FCHSD2: variants seen among roughly 807,000 people sequenced by gnomAD.
FCHSD2 encodes F-BAR and double SH3 domains protein 2.
FCHSD2 carries 38 observed loss-of-function variants against 108.1 expected under a neutral mutation model. The observed-to-expected ratio is 0.35, with a 90% CI of 0.27 to 0.46. The LOEUF is 0.46. FCHSD2 is among the 20% of genes least tolerant of loss of function. The pLI, the probability that FCHSD2 is intolerant of heterozygous loss-of-function variation, is 1.00. For synonymous variants in FCHSD2, 279 were observed against 314.7 expected (o/e 0.89, Z 1.20); for missense variants, 751 against 897.8 (o/e 0.84, Z 2.09).
At chr11:73,013,397 C>T (rs1019371439) in intron 4 of FCHSD2, among the ~76,000 whole-genome samples, 1 of 152,200 alleles carries the variant, frequency 6.6e-6, no homozygotes, top group Admixed American at 6.5e-5. Context: ...TCTCCTACTA[C>T]CCAATTCTGC....
intron 2 of FCHSD2, among the ~76,000 whole-genome samples, chr11:73,106,475 T>C (rs561062913): frequency 6.6e-6 from 1 of 151,686 alleles, no homozygotes; most frequent in East Asian, 1.9e-4. Flanking sequence ...TAAATCAGTA[T>C]TCTGCTTGTT....
chr11:73,071,353 T>C (rs979127696), intron 3 of FCHSD2, among the ~76,000 whole-genome samples: 1 of 152,064 alleles, frequency 6.6e-6, no homozygotes, highest in Non-Finnish European at 1.5e-5. Flanking sequence ...ACCACCAACT[T>C]TGGTCATCTT....
chr11:72,839,015 C>T, intron 19 of FCHSD2, 141 bp from the exon 20 acceptor site: 1 of 649,984 alleles, frequency 1.5e-6, no homozygotes. Context: ...TGCTTTCAAC[C>T]TAGTCTTCAC....
Position 72,900,148 on chromosome 11 carries a change from C to CT in FCHSD2, c.924+2394dup, listed in dbSNP as rs1855497526. ...AAACACAGCTGGTGCATCAGGGCCT[C>CT]TTATACATGTATATACATAACTTTC... On this transcript the variant is annotated intron_variant, in intron 10 of 19. Coordinates refer to ENST00000409418, the MANE Select transcript of FCHSD2 (RefSeq NM_014824.3). The CT allele has an allele frequency of 9.1e-6, 6 of 657,658 alleles. No individual in the cohort carries two copies. In the East Asian group the frequency reaches 1.8e-4, roughly 19 times the overall value. The allele number at this position is 657,658 out of a possible 1,614,324, so 40.7% of individuals were successfully genotyped here. A position where few individuals can be genotyped will look rare whatever the true frequency, so the allele number is the denominator to read the frequency against.
At chr11:73,095,279 T>C (rs1860048483) in intron 2 of FCHSD2, among the ~76,000 whole-genome samples, 1 of 152,202 alleles carries the variant, frequency 6.6e-6, no homozygotes, top group African/African-American at 2.4e-5. Context: ...ATAAAGGACT[T>C]GGGATAAACT....
chr11:73,089,519 G>C (rs1591544609), intron 2 of FCHSD2, among the ~76,000 whole-genome samples: 1 of 152,104 alleles, frequency 6.6e-6, no homozygotes, highest in Non-Finnish European at 1.5e-5. Flanking sequence ...TATCCAAACA[G>C]TACAAACAAC....
At chr11:72,914,217 G>A (rs938089397) in intron 9 of FCHSD2, among the ~76,000 whole-genome samples, 1 of 152,030 alleles carries the variant, frequency 6.6e-6, no homozygotes, top group African/African-American at 2.4e-5. Context: ...GTTTCACCAT[G>A]TTGGCCAGAC....
intron 2 of FCHSD2, among the ~76,000 whole-genome samples, chr11:73,121,259 C>T (rs1860728876): frequency 6.6e-6 from 1 of 151,956 alleles, no homozygotes. Flanking sequence ...CATACTTATC[C>T]CAGAAGGAGC....
At chr11:73,098,305 T>A (rs1334221025) in intron 2 of FCHSD2, among the ~76,000 whole-genome samples, 1 of 152,210 alleles carries the variant, frequency 6.6e-6, no homozygotes, top group African/African-American at 2.4e-5. Context: ...ACTTCTTTGA[T>A]CTACTCGTTG....
At chr11:73,027,695 T>A (rs1462718872) in intron 3 of FCHSD2, among the ~76,000 whole-genome samples, 1 of 152,238 alleles carries the variant, frequency 6.6e-6, no homozygotes, top group Non-Finnish European at 1.5e-5. Flanking sequence ...TCAGAGATGT[T>A]CGCTGCACTC....
chr11:72,861,931 CAAAAA>C (rs35078687), intron 13 of FCHSD2, among the ~76,000 whole-genome samples: 5 of 109,546 alleles, frequency 4.6e-5, no homozygotes, highest in Non-Finnish European at 3.8e-5. Context: ...AACGCCGTCT[CAAAAA>C]AAAAAAAAAA....
intron 8 of FCHSD2, among the ~76,000 whole-genome samples, chr11:72,926,065 A>G (rs1856069615): frequency 6.6e-6 from 1 of 152,126 alleles, no homozygotes; most frequent in Non-Finnish European, 1.5e-5. Flanking sequence ...CTTCTCCTGG[A>G]GCCCACTCAG....
At chr11:72,966,160 A>G (rs1046604274) in intron 8 of FCHSD2, among the ~76,000 whole-genome samples, 2 of 149,664 alleles carry the variant, frequency 1.3e-5, no homozygotes, top group South Asian at 2.1e-4. Context: ...TCTTCTTTGA[A>G]CTGAGCCTTT....
At chr11:73,061,859 G>A (rs1037708184) in intron 3 of FCHSD2, among the ~76,000 whole-genome samples, 7 of 152,308 alleles carry the variant, frequency 4.6e-5, no homozygotes, top group Non-Finnish European at 8.8e-5. Flanking sequence ...AGCACTTGGG[G>A]AAAGGGGCAG....
chr11:73,085,219 A>T (rs955320332), intron 2 of FCHSD2, among the ~76,000 whole-genome samples: 1 of 152,184 alleles, frequency 6.6e-6, no homozygotes. Context: ...ACGAAGACTA[A>T]GATTTTTTTT....
chr11:72,896,146 G>A (rs1855413156), intron 10 of FCHSD2, among the ~76,000 whole-genome samples: 1 of 152,174 alleles, frequency 6.6e-6, no homozygotes, highest in African/African-American at 2.4e-5. Context: ...ATAGAAGGCA[G>A]AATTAAATAT....
chr11:72,892,582 TTA>T (rs1164506837), intron 10 of FCHSD2, among the ~76,000 whole-genome samples: 2 of 151,980 alleles, frequency 1.3e-5, no homozygotes, highest in Non-Finnish European at 1.5e-5. Context: ...GTATAGATAA[TTA>T]TGTTTTTGTG....
intron 2 of FCHSD2, among the ~76,000 whole-genome samples, chr11:73,096,987 A>AATTTTTTTTTTTTTTT (rs1860095700): frequency 2.6e-4 from 7 of 27,020 alleles, no homozygotes; most frequent in African/African-American, 1.4e-3. Flanking sequence ...TCATTGATGG[A>AATTTTTTTTTTTTTTT]TTTTTTTTTT....
At chr11:72,980,069 G>A (rs762495519) in intron 8 of FCHSD2, among the ~76,000 whole-genome samples, 5 of 152,210 alleles carry the variant, frequency 3.3e-5, no homozygotes, top group Non-Finnish European at 7.3e-5. Flanking sequence ...AACTGCTACT[G>A]AGACTCTGGA....
Sources: allele counts gnomAD v4.1 joint callset (sites outside exome capture counted in the v4.1 genomes callset), GRCh38; gene constraint gnomAD v4.1.1; transcripts MANE v1.5; gene names NCBI Gene and HGNC (gene_info 2026-07-23, HGNC 2026-07-21).